Variants in RTN4IP1 observed in about 807,000 individuals in gnomAD.
The protein encoded by RTN4IP1 is NAD(P)H oxidoreductase RTN4IP1, mitochondrial.
Under a neutral mutation model 46.6 loss-of-function variants are expected in RTN4IP1, and 32 were observed. The ratio of observed to expected loss-of-function variants is 0.69; its 90% CI spans 0.52 to 0.92. The LOEUF (loss-of-function observed/expected upper bound fraction) is 0.92, where lower values mean the gene tolerates loss of function less well. Among genes scored for constraint, RTN4IP1 ranks in the 40% least tolerant of loss-of-function variants. The pLI is 0.00. For missense variants in RTN4IP1, 424 were observed against 485.8 expected, an observed-to-expected ratio of 0.87 and a Z score of 1.20; for synonymous variants, 167 against 161.8, an observed-to-expected ratio of 1.03 and a Z score of -0.24.
At chr6:106,605,416 C>A (rs1776040389) in intron 4 of RTN4IP1, among the ~76,000 whole-genome samples, 1 of 145,928 alleles carries the variant, frequency 6.9e-6, no homozygotes, top group East Asian at 2.1e-4. Context: ...CAGAGCGAGA[C>A]CCTGTCTCAA....
At chr6:106,609,558 T>C (rs1776172060) in intron 4 of RTN4IP1, among the ~76,000 whole-genome samples, 1 of 152,186 alleles carries the variant, frequency 6.6e-6, no homozygotes, top group African/African-American at 2.4e-5. Context: ...ATCACCATTA[T>C]GTCCTACAAT....
chr6:106,612,349 T>C (rs1776245119), intron 4 of RTN4IP1, among the ~76,000 whole-genome samples: 1 of 123,278 alleles, frequency 8.1e-6, no homozygotes, highest in South Asian at 2.6e-4. Context: ...ATTACACCAC[T>C]GCACACCAAC....
intron 1 of RTN4IP1, among the ~76,000 whole-genome samples, chr6:106,628,087 A>G (rs1227792741): frequency 2.0e-5 from 3 of 150,942 alleles, no homozygotes; most frequent in Admixed American, 1.3e-4. Context: ...AAAAAACCCC[A>G]TAAATTCTAA....
intron 7 of RTN4IP1, among the ~76,000 whole-genome samples, chr6:106,583,919 T>C (rs1775424975): frequency 6.6e-6 from 1 of 152,186 alleles, no homozygotes; most frequent in Non-Finnish European, 1.5e-5. Flanking sequence ...CTGACAGGAA[T>C]AAAGTGGCTT....
At chr6:106,603,053 C>T (rs372678351) in intron 4 of RTN4IP1, 131 bp from the exon 5 acceptor site, 59 of 605,082 alleles carry the variant, frequency 9.8e-5, no homozygotes, top group African/African-American at 8.3e-4. Context: ...ATTCAGCTTC[C>T]CAAGATATAT....
In RTN4IP1 at chr6:106,629,431, T is replaced by A. The variant is rs1776752706; in HGVS notation, c.-410A>T. 1.7e-6 allele frequency: 1 copy of A among 590,430 alleles called. No individual in the cohort carries two copies. Among genetic ancestry groups the A allele is most frequent in the Non-Finnish European group, 3.0e-6 (1 of 336,482 alleles). 36.6% of individuals were successfully genotyped at this position (590,430 alleles called of 1,614,324 possible). A position where few individuals can be genotyped will look rare whatever the true frequency, so the allele number is the denominator to read the frequency against. ...GCCAGAGAATCGAACGCTTGCCGAC[T>A]GCCGCCGCGACCCTGGCCCGGAATC... On this transcript the variant is annotated 5_prime_UTR_variant, in exon 1 of 9. Transcript: ENST00000369063.
chr6:106,581,020 C>T (rs1213617788), intron 8 of RTN4IP1, among the ~76,000 whole-genome samples: 1 of 148,770 alleles, frequency 6.7e-6, no homozygotes, highest in Non-Finnish European at 1.5e-5. Flanking sequence ...AGTATGTTAT[C>T]CATTTTGTTA....
intron 1 of RTN4IP1, among the ~76,000 whole-genome samples, chr6:106,627,337 A>C (rs1192695945): frequency 2.6e-5 from 4 of 152,274 alleles, no homozygotes; most frequent in Non-Finnish European, 4.4e-5. Flanking sequence ...GTGCATTTAA[A>C]GAAATAAAAA....
At chr6:106,623,995 G>C (rs1776564962) in intron 1 of RTN4IP1, among the ~76,000 whole-genome samples, 1 of 152,194 alleles carries the variant, frequency 6.6e-6, no homozygotes, top group Non-Finnish European at 1.5e-5. Context: ...ATTCCTGAGT[G>C]ATAAAAAGCC....
At chr6:106,581,419 G>C (rs1178990837) in intron 8 of RTN4IP1, among the ~76,000 whole-genome samples, 2 of 152,200 alleles carry the variant, frequency 1.3e-5, no homozygotes, top group Non-Finnish European at 2.9e-5. Flanking sequence ...ACATAAGTAA[G>C]ATCTGCTGTG....
In RTN4IP1 at chr6:106,571,994, ATT is replaced by A. The variant is rs1775076514; in HGVS notation, c.1191_*1del. On this transcript the variant is annotated stop_lost and 3_prime_UTR_variant, in exon 9 of 9. Transcript: ENST00000369063. ...TCAACAATCACTAAACTGCATTTTT[ATT>A]TAAACAACATTAATTACAGTCTTTC... 13 of 1,608,580 alleles carry A rather than the reference ATT, an allele frequency of 8.1e-6. No individual in the cohort carries two copies. Among genetic ancestry groups the A allele is most frequent in the Non-Finnish European group, 1.1e-5 (13 of 1,175,566 alleles).
chr6:106,594,942 C>G (rs890619097), intron 5 of RTN4IP1, among the ~76,000 whole-genome samples: 1 of 152,094 alleles, frequency 6.6e-6, no homozygotes, highest in Non-Finnish European at 1.5e-5. Context: ...GCTGGCACTA[C>G]AGGCACGTCA....
intron 4 of RTN4IP1, among the ~76,000 whole-genome samples, chr6:106,616,369 C>G (rs909976198): frequency 6.6e-6 from 1 of 152,018 alleles, no homozygotes; most frequent in Non-Finnish European, 1.5e-5. Flanking sequence ...ATCATTGAAC[C>G]CTTAGAAAGA....
chr6:106,623,549 A>C (rs1005949020), intron 1 of RTN4IP1, among the ~76,000 whole-genome samples: 6 of 152,222 alleles, frequency 3.9e-5, no homozygotes, highest in Non-Finnish European at 7.3e-5. Context: ...TTTTTTAAAA[A>C]AGTAATCAAC....
intron 8 of RTN4IP1, among the ~76,000 whole-genome samples, chr6:106,579,449 T>G (rs1775305381): frequency 6.6e-6 from 1 of 152,158 alleles, no homozygotes; most frequent in South Asian, 2.1e-4. Flanking sequence ...GACAGTCATG[T>G]GAAAACAATG....
chr6:106,593,676 G>A (rs963056850), intron 5 of RTN4IP1, among the ~76,000 whole-genome samples: 1 of 152,010 alleles, frequency 6.6e-6, no homozygotes, highest in Non-Finnish European at 1.5e-5. Flanking sequence ...GTAAATAAAG[G>A]GTTTTTAACT....
At chr6:106,611,043 C>T (rs1776210012) in intron 4 of RTN4IP1, among the ~76,000 whole-genome samples, 1 of 150,498 alleles carries the variant, frequency 6.6e-6, no homozygotes, top group Admixed American at 6.7e-5. Context: ...CCCTTAGCTG[C>T]CTTACAAAAA....
chr6:106,604,660 C>T (rs1776017478), intron 4 of RTN4IP1, among the ~76,000 whole-genome samples: 1 of 152,102 alleles, frequency 6.6e-6, no homozygotes, highest in African/African-American at 2.4e-5. Flanking sequence ...GAGTAGGTGC[C>T]ACACACACAG....
intron 3 of RTN4IP1, among the ~76,000 whole-genome samples, chr6:106,619,951 G>T (rs111960940): frequency 0.074 from 11,262 of 151,742 alleles, 1,062 homozygotes; most frequent in African/African-American, 0.2. Flanking sequence ...TTCCTTTATT[G>T]TAAGGATACA....
Sources: gnomAD v4.1 joint callset for allele counts (sites outside exome capture counted in the v4.1 genomes callset) on GRCh38, gnomAD v4.1.1 for gene constraint, MANE v1.5 for transcripts, NCBI Gene and HGNC (gene_info 2026-07-23, HGNC 2026-07-21) for gene names.